The following LRMDA variants were observed in gnomAD, a reference collection of about 807,000 sequenced individuals.
The protein encoded by LRMDA is leucine rich melanocyte differentiation associated.
A neutral mutation model predicts 29.8 loss-of-function variants in LRMDA; 18 were observed. The observed-to-expected ratio is 0.60, with a 90% CI of 0.42 to 0.90. The LOEUF is 0.90. LRMDA is among the 40% of genes least tolerant of loss of function. LRMDA has a pLI of 0.00. For missense variants in LRMDA, 273 were observed against 273.9 expected, an observed-to-expected ratio of 1.00 and a Z score of 0.02; for synonymous variants, 125 against 109.4, an observed-to-expected ratio of 1.14 and a Z score of -0.89.
intron 2 of LRMDA, among the ~76,000 whole-genome samples, chr10:75,797,830 TAA>T (rs773363601): frequency 2.0e-5 from 3 of 152,206 alleles, no homozygotes; most frequent in Non-Finnish European, 4.4e-5. Context: ...TATTCACATA[TAA>T]GTCTTGTGTT....
chr10:75,789,541 T>C (rs1843530634), intron 2 of LRMDA, among the ~76,000 whole-genome samples: 1 of 152,128 alleles, frequency 6.6e-6, no homozygotes, highest in Admixed American at 6.5e-5. Flanking sequence ...GTTAGAAAAA[T>C]CCCAGAGTAA....
At chr10:76,207,980 C>A (rs1333915652) in intron 5 of LRMDA, among the ~76,000 whole-genome samples, 1 of 151,998 alleles carries the variant, frequency 6.6e-6, no homozygotes, top group African/African-American at 2.4e-5. Flanking sequence ...AAAAGTATGT[C>A]CACTGGTGTT....
At chr10:76,146,093 G>A (rs1473178889) in intron 5 of LRMDA, among the ~76,000 whole-genome samples, 1 of 152,020 alleles carries the variant, frequency 6.6e-6, no homozygotes, top group African/African-American at 2.4e-5. Flanking sequence ...CATTTGCTGA[G>A]GAGTGCTTTA....
In LRMDA at chr10:76,461,887, C is replaced by A. The variant is rs570053734; in HGVS notation, c.602-95322C>A. 5.9e-5 allele frequency among the ~76,000 whole-genome samples: 9 copies of A among 151,994 alleles called. No homozygotes were observed. In the South Asian group the frequency reaches 1.9e-3, roughly 32 times the overall value. The stretch of plus-strand genomic sequence containing the variant: ...TCCAGGAGTCCAAGGCTAGCCTGGG[C>A]AACATAGAGAAACCCCATCTCTACG... On this transcript the variant is annotated intron_variant, in intron 6 of 6. Coordinates refer to ENST00000611255, the MANE Select transcript of LRMDA (RefSeq NM_001305581.2).
intron 2 of LRMDA, among the ~76,000 whole-genome samples, chr10:76,025,889 A>C (rs1188873259): frequency 1.3e-5 from 2 of 152,214 alleles, no homozygotes; most frequent in Non-Finnish European, 2.9e-5. Context: ...ACTACTTAAT[A>C]GTAGGGGACT....
intron 5 of LRMDA, among the ~76,000 whole-genome samples, chr10:76,248,028 G>A (rs567425748): frequency 1.6e-4 from 25 of 152,228 alleles, no homozygotes; most frequent in Admixed American, 4.6e-4. Context: ...ATATATGCTC[G>A]TGAATCCAGC....
intron 5 of LRMDA, among the ~76,000 whole-genome samples, chr10:76,107,216 C>G (rs547099846): frequency 6.6e-6 from 1 of 152,256 alleles, no homozygotes; most frequent in South Asian, 2.1e-4. Context: ...TAGCCTGGAG[C>G]AGTGGTTCTA....
chr10:76,532,387 G>T (rs1843243672), intron 6 of LRMDA, among the ~76,000 whole-genome samples: 1 of 152,186 alleles, frequency 6.6e-6, no homozygotes, highest in African/African-American at 2.4e-5. Context: ...AACAGAGAAA[G>T]TTAGTTCCTT....
chr10:75,644,830 T>C (rs952438011), intron 2 of LRMDA, among the ~76,000 whole-genome samples: 1 of 152,204 alleles, frequency 6.6e-6, no homozygotes, highest in Non-Finnish European at 1.5e-5. Flanking sequence ...GGCTTTACCC[T>C]ACTTCACTTC....
At chr10:75,671,304 G>T (rs1400531756) in intron 2 of LRMDA, among the ~76,000 whole-genome samples, 2 of 152,176 alleles carry the variant, frequency 1.3e-5, no homozygotes, top group African/African-American at 2.4e-5. Context: ...CTGTACTGCT[G>T]CCTGGTATAA....
chr10:76,243,506 G>A lies in LRMDA; in HGVS notation c.517-80895G>A, dbSNP rs370380784. 3.3e-5 allele frequency among the ~76,000 whole-genome samples: 5 copies of A among 152,292 alleles called. No homozygotes were observed. In the East Asian group the frequency reaches 9.7e-4, roughly 29 times the overall value. ...AGCTATACAAAGGAGTCAATCATTT[G>A]ATGTTTAGAAGCAATGGCACGGTAT... On this transcript the variant is annotated intron_variant, in intron 5 of 6. Coordinates refer to ENST00000611255, the MANE Select transcript of LRMDA (RefSeq NM_001305581.2).
intron 2 of LRMDA, among the ~76,000 whole-genome samples, chr10:75,835,670 T>G (rs1372682224): frequency 6.6e-6 from 1 of 152,236 alleles, no homozygotes; most frequent in Non-Finnish European, 1.5e-5. Context: ...GTTTTATGCC[T>G]TAGATCAAGC....
intron 2 of LRMDA, among the ~76,000 whole-genome samples, chr10:75,864,963 T>TA (rs964647328): frequency 2.0e-5 from 3 of 152,300 alleles, no homozygotes; most frequent in African/African-American, 4.8e-5. Context: ...ATTTATGACA[T>TA]AAAAAAATCT....
intron 6 of LRMDA, among the ~76,000 whole-genome samples, chr10:76,477,505 C>T (rs569584679): frequency 2.1e-4 from 32 of 152,008 alleles, no homozygotes; most frequent in African/African-American, 7.2e-4. Context: ...CAATGCCATC[C>T]CCATCAAGCT....
intron 2 of LRMDA, chr10:75,451,125 A>G (rs1844455657): frequency 6.6e-6 from 1 of 152,198 alleles, no homozygotes; most frequent in Non-Finnish European, 1.5e-5. Context: ...AGTCTTAGGT[A>G]GTTATGAAGC....
chr10:75,860,383 G>A (rs757381927), intron 2 of LRMDA, among the ~76,000 whole-genome samples: 18 of 143,548 alleles, frequency 1.3e-4, no homozygotes, highest in Non-Finnish European at 1.8e-4. Flanking sequence ...GTGCAGTGGC[G>A]CGATCTCTGC....
chr10:75,691,338 C>T (rs1842154495), intron 2 of LRMDA, among the ~76,000 whole-genome samples: 1 of 151,308 alleles, frequency 6.6e-6, no homozygotes, highest in Admixed American at 6.6e-5. Context: ...TCCAGTTAGG[C>T]ACTGAGTGGC....
intron 5 of LRMDA, among the ~76,000 whole-genome samples, chr10:76,166,148 C>A (rs867411028): frequency 6.6e-6 from 1 of 152,148 alleles, no homozygotes; most frequent in African/African-American, 2.4e-5. Flanking sequence ...GCAATTTATC[C>A]TAACTTCCAC....
chr10:76,494,701 T>C (rs1235014971), intron 6 of LRMDA, among the ~76,000 whole-genome samples: 1 of 151,924 alleles, frequency 6.6e-6, no homozygotes, highest in East Asian at 1.9e-4. Context: ...ATGGAAGTCA[T>C]TGATTTGAGA....
Sources: gnomAD v4.1 joint callset for allele counts (sites outside exome capture counted in the v4.1 genomes callset) on GRCh38, gnomAD v4.1.1 for gene constraint, MANE v1.5 for transcripts, NCBI Gene and HGNC (gene_info 2026-07-23, HGNC 2026-07-21) for gene names.